Variants in STAG1 observed in about 807,000 individuals in gnomAD.
The protein encoded by STAG1 is STAG1 cohesin complex component.
Under a neutral mutation model 170.9 loss-of-function variants are expected in STAG1, and 26 were observed. The observed-to-expected ratio is 0.15, with a 90% CI of 0.11 to 0.21. The LOEUF (loss-of-function observed/expected upper bound fraction) is 0.21. Ranked by LOEUF, STAG1 falls within the 10% of genes least tolerant of loss-of-function variation. The pLI, the probability that STAG1 is intolerant of heterozygous loss-of-function variation, is 1.00. For synonymous variants in STAG1, 514 were observed against 497.7 expected, an observed-to-expected ratio of 1.03 and a Z score of -0.44; for missense variants, 964 against 1,509.5, an observed-to-expected ratio of 0.64 and a Z score of 5.99.
At chr3:136,695,219 T>C (rs552713509) in intron 1 of STAG1, among the ~76,000 whole-genome samples, 2 of 152,260 alleles carry the variant, frequency 1.3e-5, no homozygotes, top group African/African-American at 2.4e-5. Context: ...TAAGAAGATA[T>C]GTGATAGCAC....
At chr3:136,453,665 C>G (rs371073872) in intron 13 of STAG1, among the ~76,000 whole-genome samples, 5 of 148,560 alleles carry the variant, frequency 3.4e-5, no homozygotes, top group South Asian at 4.2e-4. Flanking sequence ...ATCTTAGGAA[C>G]AAACGACAAA....
chr3:136,478,607 AATG>A (rs2107824452), intron 9 of STAG1, among the ~76,000 whole-genome samples: 2 of 152,306 alleles, frequency 1.3e-5, no homozygotes, highest in East Asian at 3.9e-4. Context: ...CTAAAATTTT[AATG>A]ATAATTAAGG....
intron 3 of STAG1, among the ~76,000 whole-genome samples, chr3:136,622,135 T>TAAAAA (rs75542452): frequency 9.3e-4 from 86 of 92,618 alleles, no homozygotes; most frequent in Middle Eastern, 6.3e-3. Context: ...CCATCTCTAC[T>TAAAAA]AAAAAAAAAA....
chr3:136,687,377 A>G (rs754308546), intron 1 of STAG1, among the ~76,000 whole-genome samples: 38 of 152,152 alleles, frequency 2.5e-4, no homozygotes, highest in Non-Finnish European at 4.9e-4. Flanking sequence ...TGTTTTTGTA[A>G]TCTGTTAAAT....
At chr3:136,500,360 A>T (rs1420990989) in intron 8 of STAG1, 64 bp from the exon 9 acceptor site, 14 of 1,075,878 alleles carry the variant, frequency 1.3e-5, no homozygotes, top group Non-Finnish European at 1.8e-5. Flanking sequence ...AACAGCTCCA[A>T]TTGTTTTTAA....
chr3:136,702,111 GAGAGAGAGAGACAGAGAGAC>G (rs1475011155), intron 1 of STAG1, among the ~76,000 whole-genome samples: 356 of 78,762 alleles, frequency 4.5e-3, no homozygotes, highest in Non-Finnish European at 7.8e-3. Flanking sequence ...GAGAGAGAGA[GAGAGAGAGAGACAGAGAGAC>G]AGAGAGACAG....
chr3:136,472,364 A>G, intron 12 of STAG1, 49 bp downstream of exon 12: 1 of 1,368,554 alleles, frequency 7.3e-7, no homozygotes, highest in Non-Finnish European at 1.0e-6. Context: ...TCCTGGGGAA[A>G]AGGTATTAAA....
intron 2 of STAG1, among the ~76,000 whole-genome samples, chr3:136,628,728 T>C (rs1940209879): frequency 6.6e-6 from 1 of 152,240 alleles, no homozygotes; most frequent in African/African-American, 2.4e-5. Flanking sequence ...GATTTATATC[T>C]AACTTTACAA....
At chr3:136,735,676 G>A (rs929551387) in intron 1 of STAG1, among the ~76,000 whole-genome samples, 3 of 151,758 alleles carry the variant, frequency 2.0e-5, no homozygotes, top group East Asian at 1.9e-4. Flanking sequence ...GCAATGGCGC[G>A]ATTTCTGCTA....
At chr3:136,543,621 A>G (rs952873383) in intron 5 of STAG1, among the ~76,000 whole-genome samples, 1 of 152,194 alleles carries the variant, frequency 6.6e-6, no homozygotes, top group Non-Finnish European at 1.5e-5. Flanking sequence ...TCTCAGCTCC[A>G]TCAGTTACCG....
intron 14 of STAG1, among the ~76,000 whole-genome samples, chr3:136,443,761 T>C (rs1476823700): frequency 1.7e-5 from 2 of 115,638 alleles, no homozygotes; most frequent in African/African-American, 3.1e-5. Flanking sequence ...TTATTTTTAT[T>C]TTTTAAAGGA....
intron 28 of STAG1, among the ~76,000 whole-genome samples, chr3:136,351,797 A>G (rs932683414): frequency 3.3e-5 from 5 of 152,228 alleles, no homozygotes; most frequent in Non-Finnish European, 7.3e-5. Context: ...TGTGGGTCAA[A>G]AAAGTAAATA....
In STAG1 at chr3:136,382,401, C is replaced by CT. The variant is rs1033807448; in HGVS notation, c.2278-4650dup. 9.6e-3 allele frequency among the ~76,000 whole-genome samples: 1,292 copies of CT among 134,552 alleles called. 7 individuals carry two copies. The highest frequency in any genetic ancestry group is 0.013 in the Non-Finnish European group (786 of 61,664). The allele number at this position is 134,552 out of a possible 152,430, so 88.3% of individuals were successfully genotyped here. On this transcript the variant is annotated intron_variant, in intron 22 of 33. Coordinates refer to ENST00000383202, the MANE Select transcript of STAG1 (RefSeq NM_005862.3). ...GGAAATGTGAAACAACCAAGGCTTT[C>CT]TTTTTTTTTTTTTTTTTTGAGACAG...
intron 1 of STAG1, among the ~76,000 whole-genome samples, chr3:136,683,623 C>T (rs1285331723): frequency 6.6e-6 from 1 of 151,970 alleles, no homozygotes; most frequent in Admixed American, 6.6e-5. Flanking sequence ...AAACTAGAAA[C>T]TTTCCTACTA....
chr3:136,751,531 C>A (rs368891023), intron 1 of STAG1, among the ~76,000 whole-genome samples: 44 of 152,186 alleles, frequency 2.9e-4, no homozygotes, highest in East Asian at 9.7e-4. Flanking sequence ...CAAGGAGGCC[C>A]CCGTCGGGGG....
chr3:136,400,994 T>A (rs1451984192), intron 21 of STAG1, among the ~76,000 whole-genome samples: 1 of 152,108 alleles, frequency 6.6e-6, no homozygotes, highest in Admixed American at 6.6e-5. Flanking sequence ...TATGAAAAAA[T>A]CCAGTCTCAC....
chr3:136,578,650 T>C (rs1937529363), intron 4 of STAG1, among the ~76,000 whole-genome samples: 1 of 152,234 alleles, frequency 6.6e-6, no homozygotes, highest in African/African-American at 2.4e-5. Flanking sequence ...AGACCTTTCA[T>C]GTATTAATAG....
intron 10 of STAG1, 93 bp from the exon 11 acceptor site, chr3:136,473,730 T>A (rs1024648018): frequency 1.0e-5 from 9 of 858,340 alleles, no homozygotes; most frequent in Admixed American, 4.0e-5. Context: ...GCTTAAACAT[T>A]TGACTTACTG....
In STAG1 at chr3:136,398,876, T is replaced by A. The variant is rs562687085; in HGVS notation, c.2197-47A>T. 13 of 1,189,832 alleles carry A rather than the reference T, an allele frequency of 1.1e-5. No individual in the cohort carries two copies. The South Asian group carries it at 1.8e-4, about 16-fold the overall frequency. 73.7% of individuals were successfully genotyped at this position (1,189,832 alleles called of 1,614,324 possible). ...TTTTTTAATGAAAAATTCAAAAAAA[T>A]GAGATCATCTGTTTGCACCGTGCTA... On this transcript the variant is annotated intron_variant, in intron 21 of 33. Coordinates refer to ENST00000383202, the MANE Select transcript of STAG1 (RefSeq NM_005862.3).
Sources: gnomAD v4.1 joint callset for allele counts (sites outside exome capture counted in the v4.1 genomes callset) on GRCh38, gnomAD v4.1.1 for gene constraint, MANE v1.5 for transcripts, NCBI Gene and HGNC (gene_info 2026-07-23, HGNC 2026-07-21) for gene names.